The following ALAS2 variants were observed in gnomAD, a reference collection of about 807,000 sequenced individuals.
ALAS2 encodes 5-aminolevulinate synthase, erythroid-specific, mitochondrial.
In ALAS2, 3 loss-of-function variants were observed where a neutral mutation model predicts 33.7. The ratio of observed to expected loss-of-function variants is 0.09; its 90% CI spans 0.04 to 0.23. ALAS2 has a LOEUF of 0.23. Among genes scored for constraint, ALAS2 ranks in the 10% least tolerant of loss-of-function variants. The pLI is 1.00. For synonymous variants in ALAS2, 191 were observed against 177.3 expected, an observed-to-expected ratio of 1.08 and a Z score of -0.61; for missense variants, 304 against 475.1, an observed-to-expected ratio of 0.64 and a Z score of 3.35.
chrX:55,020,227 C>A, intron 6 of ALAS2, 93 bp downstream of exon 6: 1 of 933,939 alleles, frequency 1.1e-6, no homozygotes, highest in South Asian at 2.1e-5. Flanking sequence ...AGTGAGGGAA[C>A]TCCAAATACA....
rs751844260 is a variant in ALAS2, at chrX:55,015,559, G to T, written c.1168+19C>A. 1.2e-5 allele frequency: 15 copies of T among 1,209,517 alleles called. No individual in the cohort carries two copies. The highest frequency in any genetic ancestry group is 1.6e-5 in the Non-Finnish European group (14 of 893,945). ...TCCTCTCTGGAGGGTATATAAGAAG[G>T]CCCAAAGCATTCACTTACCAAGAGT... is the stretch of plus-strand genomic sequence containing the variant. On this transcript the variant is annotated intron_variant, in intron 8 of 10. Coordinates refer to ENST00000650242, the MANE Select transcript of ALAS2 (RefSeq NM_000032.5).
rs549565076 is a variant in ALAS2, at chrX:55,013,405, G to A, written c.1600+81C>T. The A allele has an allele frequency of 2.0e-5, 20 of 1,020,736 alleles. No homozygotes were observed. The Admixed American group carries it at 4.3e-4, about 22-fold the overall frequency. 84.1% of individuals were successfully genotyped at this position (1,020,736 alleles called of 1,213,427 possible). A position where few individuals can be genotyped will look rare whatever the true frequency, so the allele number is the denominator to read the frequency against. On this transcript the variant is annotated intron_variant, in intron 10 of 10. Transcript: ENST00000650242. ...CCAGAAATATTTTGTAAACTCAGTG[G>A]TCTCTGTCCTCTCAGCTTCTCTTTC...
chrX:55,015,959 C>CTGTGTGTG lies in ALAS2; in HGVS notation c.1004-225_1004-218dup, dbSNP rs56109492. Reference sequence around the variant, plus strand: ...CTTCTCTCTCTCTCTCTCTGTCTCTCTGTGTGTGTGTGTGTGTGTGTGTGT... The same window carrying CTGTGTGTG: ...CTTCTCTCTCTCTCTCTCTGTCTCTCTGTGTGTGTGTGTGTGTGTGTGTGTGTGTGTGT... On this transcript the variant is annotated intron_variant, in intron 7 of 10. Transcript: ENST00000650242. Among the ~76,000 whole-genome samples, 18 of 80,159 alleles carry CTGTGTGTG rather than the reference C, an allele frequency of 2.2e-4. No homozygotes were observed. In the East Asian group the frequency reaches 2.6e-3, roughly 11 times the overall value. The allele number at this position is 80,159 out of a possible 115,157, so 69.6% of individuals were successfully genotyped here.
intron 10 of ALAS2, among the ~76,000 whole-genome samples, chrX:55,011,662 G>A (rs1243393972): frequency 2.7e-5 from 3 of 112,037 alleles, no homozygotes; most frequent in African/African-American, 9.7e-5. Flanking sequence ...GGATGGATTG[G>A]CTATGGAACT....
chrX:55,015,491 C>A (rs1935683147), intron 8 of ALAS2, 87 bp downstream of exon 8: 1 of 1,099,798 alleles, frequency 9.1e-7, no homozygotes, highest in Non-Finnish European at 1.3e-6. Context: ...CAAACAACCC[C>A]TATAGCTTTG....
At chrX:55,013,147 T>C in intron 10 of ALAS2, among the ~76,000 whole-genome samples, 1 of 111,645 alleles carries the variant, frequency 9.0e-6, no homozygotes, top group Non-Finnish European at 1.9e-5. Context: ...AAGACTCAGC[T>C]CAGGTGTCAC....
At chrX:55,021,776 G>A (rs1172734950) in intron 4 of ALAS2, among the ~76,000 whole-genome samples, 2 of 111,907 alleles carry the variant, frequency 1.8e-5, no homozygotes, top group Non-Finnish European at 3.8e-5. Context: ...CTAATAAATG[G>A]CACATGGTAA....
chrX:55,023,889 A>G lies in ALAS2; in HGVS notation c.305-22T>C, dbSNP rs182995897. 7.6e-5 allele frequency: 86 copies of G among 1,134,431 alleles called. No individual in the cohort carries two copies. The East Asian group carries it at 1.5e-3, about 20-fold the overall frequency. The allele number at this position is 1,134,431 out of a possible 1,213,427, so 93.5% of individuals were successfully genotyped here. A position where few individuals can be genotyped will look rare whatever the true frequency, so the allele number is the denominator to read the frequency against. ...AGATCTGAGACGGAATGTGAGATTCATTGGCCGTGAAGAGAATGGGGGAAA... is the reference window on the plus strand; with the variant it reads ...AGATCTGAGACGGAATGTGAGATTCGTTGGCCGTGAAGAGAATGGGGGAAA... On this transcript the variant is annotated intron_variant, in intron 3 of 10. Coordinates refer to ENST00000650242, the MANE Select transcript of ALAS2 (RefSeq NM_000032.5).
chrX:55,011,293 TGTCA>T (rs750956830), intron 10 of ALAS2, among the ~76,000 whole-genome samples: 11 of 112,237 alleles, frequency 9.8e-5, no homozygotes, highest in African/African-American at 9.7e-5. Flanking sequence ...CATGTATAAC[TGTCA>T]GTCTGTATAT....
chrX:55,024,993 C>T, intron 2 of ALAS2, among the ~76,000 whole-genome samples, 153 bp from the exon 3 acceptor site: 1 of 111,649 alleles, frequency 9.0e-6, no homozygotes, highest in Non-Finnish European at 1.9e-5. Flanking sequence ...GCTAGGGGAG[C>T]TACTAAACTG....
chrX:55,009,423 G>T, intron 10 of ALAS2, 80 bp from the exon 11 acceptor site: 1 of 1,013,920 alleles, frequency 9.9e-7, no homozygotes, highest in Non-Finnish European at 1.3e-6. Flanking sequence ...GATGAGCCAA[G>T]ATATTGATCC....
intron 2 of ALAS2, 69 bp downstream of exon 2, chrX:55,025,751 C>A (rs1480977379): frequency 1.9e-5 from 20 of 1,071,469 alleles, no homozygotes; most frequent in Non-Finnish European, 2.5e-5. Flanking sequence ...GCAAAGATGG[C>A]CAGTATAACT....
At chrX:55,021,359 G>T in intron 4 of ALAS2, 85 bp from the exon 5 acceptor site, 1 of 781,556 alleles carries the variant, frequency 1.3e-6, no homozygotes, top group South Asian at 2.2e-5. Context: ...TGCTGATTTT[G>T]AGTTCTCCAA....
chrX:55,023,752 C>T lies in ALAS2; in HGVS notation c.415+5G>A. ...TCCCCTTTTTTTCCACCTCAGCAAA[C>T]TCACCAGGCATATTGTTCTGAATCA... On this transcript the variant is annotated splice_donor_5th_base_variant and intron_variant, in intron 4 of 10. Coordinates refer to ENST00000650242, the MANE Select transcript of ALAS2 (RefSeq NM_000032.5). 1 of 1,205,278 alleles carries T rather than the reference C, an allele frequency of 8.3e-7. No homozygotes were observed. The highest frequency in any genetic ancestry group is 1.1e-6 in the Non-Finnish European group (1 of 890,204).
In ALAS2 at chrX:55,014,866, C is replaced by G. The variant is rs758646032; in HGVS notation, c.1318G>C (p.Gly440Arg). Residue 440 changes from glycine (G) to arginine (R), a missense_variant, in exon 9 of 11, where the codon GGA becomes CGA. Coordinates refer to ENST00000650242, the MANE Select transcript of ALAS2 (RefSeq NM_000032.5). Reference protein sequence around the residue: ...GALESVRLLKGEEGQALRRAH... With the variant: ...GALESVRLLKREEGQALRRAH... ...CGCCTCAGGGCTTGGCCCTCCTCTC[C>G]CTTGAGCAGCCGCACAGATTCTAGA... is the stretch of plus-strand genomic sequence containing the variant. 6.6e-6 allele frequency: 8 copies of G among 1,206,901 alleles called. No homozygotes were observed. Among genetic ancestry groups the G allele is most frequent in the Non-Finnish European group, 9.0e-6 (8 of 893,009 alleles).
At chrX:55,020,916 T>C in intron 5 of ALAS2, 136 bp downstream of exon 5, 2 of 537,450 alleles carry the variant, frequency 3.7e-6, no homozygotes, top group Non-Finnish European at 6.3e-6. Context: ...AAGGAATAGA[T>C]ATGATGGAGG....
intron 10 of ALAS2, among the ~76,000 whole-genome samples, chrX:55,010,089 T>C (rs751820122): frequency 1.8e-5 from 2 of 111,982 alleles, no homozygotes; most frequent in Non-Finnish European, 3.8e-5. Flanking sequence ...GCAATTCCAG[T>C]TGCTCAGTCC....
intron 10 of ALAS2, among the ~76,000 whole-genome samples, chrX:55,012,154 C>T (rs1354784648): frequency 8.9e-6 from 1 of 112,210 alleles, no homozygotes; most frequent in African/African-American, 3.2e-5. Flanking sequence ...GCCCATGCTT[C>T]AGACAAACAG....
intron 4 of ALAS2, among the ~76,000 whole-genome samples, chrX:55,023,226 A>G (rs1935836669): frequency 9.5e-6 from 1 of 104,910 alleles, no homozygotes; most frequent in South Asian, 4.0e-4. Context: ...GTGTGTGTGT[A>G]GCCATAGAAA....
Sources: allele counts gnomAD v4.1 joint callset (sites outside exome capture counted in the v4.1 genomes callset), GRCh38; gene constraint gnomAD v4.1.1; transcripts MANE v1.5; gene names NCBI Gene and HGNC (gene_info 2026-07-23, HGNC 2026-07-21).